Variants in ARHGAP28 observed in about 807,000 individuals in gnomAD.
ARHGAP28 encodes Rho GTPase activating protein 28, also known as rho GTPase-activating protein 28.
A neutral mutation model predicts 90.7 loss-of-function variants in ARHGAP28; 56 were observed. The ratio of observed to expected loss-of-function variants is 0.62; its 90% confidence interval spans 0.50 to 0.77. ARHGAP28 has a LOEUF of 0.77. ARHGAP28 is among the 30% of genes least tolerant of loss of function. The pLI is 0.00. For synonymous variants in ARHGAP28, 308 were observed against 323.3 expected (o/e 0.95, Z 0.51); for missense variants, 869 against 900.9 (o/e 0.96, Z 0.45).
chr18:6,749,907 C>T (rs1422246481), intron 1 of ARHGAP28, among the ~76,000 whole-genome samples: 1 of 151,870 alleles, frequency 6.6e-6, no homozygotes. Flanking sequence ...AAAAATATAC[C>T]CTCAGTGTAC....
intron 14 of ARHGAP28, among the ~76,000 whole-genome samples, chr18:6,893,681 C>T (rs1488836342): frequency 6.6e-6 from 1 of 151,948 alleles, no homozygotes; most frequent in East Asian, 1.9e-4. Context: ...ATAGAGCTGT[C>T]ATTAGGATGG....
chr18:6,753,787 C>T (rs1206494087), intron 1 of ARHGAP28, among the ~76,000 whole-genome samples: 1 of 152,176 alleles, frequency 6.6e-6, no homozygotes. Context: ...TCTTCAAACA[C>T]TTTACCCCTC....
At chr18:6,855,747 C>G (rs72883089) in intron 4 of ARHGAP28, among the ~76,000 whole-genome samples, 2,943 of 152,342 alleles carry the variant, frequency 0.019, 39 homozygotes, top group African/African-American at 0.038. Context: ...CTTTGGAGCT[C>G]TGCAGTTCCG....
intron 10 of ARHGAP28, among the ~76,000 whole-genome samples, chr18:6,877,457 G>A (rs2057140498): frequency 6.6e-6 from 1 of 152,216 alleles, no homozygotes; most frequent in Non-Finnish European, 1.5e-5. Flanking sequence ...GTGGGCTGGG[G>A]CTTCCTGCAG....
intron 17 of ARHGAP28, among the ~76,000 whole-genome samples, chr18:6,910,988 G>T (rs1373429995): frequency 3.3e-5 from 5 of 151,900 alleles, no homozygotes; most frequent in Non-Finnish European, 7.4e-5. Context: ...GGGATTACAG[G>T]CGCCCATCAC....
At chr18:6,835,695 T>C (rs990454210) in intron 2 of ARHGAP28, among the ~76,000 whole-genome samples, 5 of 152,216 alleles carry the variant, frequency 3.3e-5, no homozygotes, top group African/African-American at 1.2e-4. Context: ...GACACTGTTA[T>C]TCTGATTTCC....
intron 1 of ARHGAP28, among the ~76,000 whole-genome samples, chr18:6,792,397 A>C (rs115276871): frequency 0.022 from 3,369 of 152,334 alleles, 128 homozygotes; most frequent in African/African-American, 0.077. Flanking sequence ...AAACTGCATT[A>C]ACCTCTGATA....
At chr18:6,802,719 A>G (rs942880392) in intron 1 of ARHGAP28, among the ~76,000 whole-genome samples, 2 of 152,152 alleles carry the variant, frequency 1.3e-5, no homozygotes, top group Admixed American at 1.3e-4. Flanking sequence ...TTTACATAAC[A>G]TCTTAAAATA....
chr18:6,902,960 A>T (rs1394855061), intron 16 of ARHGAP28, among the ~76,000 whole-genome samples: 2 of 152,226 alleles, frequency 1.3e-5, no homozygotes, highest in East Asian at 1.9e-4. Flanking sequence ...GTATATACAT[A>T]TAATGAAATA....
At chr18:6,832,253 A>G (rs1002288150) in intron 2 of ARHGAP28, among the ~76,000 whole-genome samples, 2 of 151,958 alleles carry the variant, frequency 1.3e-5, no homozygotes, top group African/African-American at 4.8e-5. Flanking sequence ...TTGATTTCTA[A>G]GTAAATTGTG....
chr18:6,797,964 C>T (rs2056454091), intron 1 of ARHGAP28, among the ~76,000 whole-genome samples: 1 of 151,992 alleles, frequency 6.6e-6, no homozygotes, highest in East Asian at 1.9e-4. Flanking sequence ...CCAGCCGAAA[C>T]ACAATTTTTT....
At chr18:6,737,575 T>G (rs952485303) in intron 1 of ARHGAP28, among the ~76,000 whole-genome samples, 1 of 152,168 alleles carries the variant, frequency 6.6e-6, no homozygotes, top group African/African-American at 2.4e-5. Context: ...TGTTGAAGAA[T>G]TTGATAGCAT....
At chr18:6,826,706 T>TA (rs1555629774) in intron 2 of ARHGAP28, among the ~76,000 whole-genome samples, 48 of 146,420 alleles carry the variant, frequency 3.3e-4, no homozygotes, top group Non-Finnish European at 4.4e-4. Flanking sequence ...TTTTTTTTTT[T>TA]ATTGATCATT....
intron 1 of ARHGAP28, among the ~76,000 whole-genome samples, chr18:6,770,469 T>C (rs896651630): frequency 6.6e-6 from 1 of 152,178 alleles, no homozygotes; most frequent in Non-Finnish European, 1.5e-5. Flanking sequence ...AAAGTGTTGT[T>C]ACGTTAGATG....
chr18:6,786,576 G>A (rs764489252), intron 1 of ARHGAP28, among the ~76,000 whole-genome samples: 9 of 152,180 alleles, frequency 5.9e-5, no homozygotes, highest in South Asian at 4.1e-4. Flanking sequence ...TTTGGGGTGC[G>A]CTGACCACTT....
intron 16 of ARHGAP28, among the ~76,000 whole-genome samples, chr18:6,908,439 G>A (rs1057357293): frequency 5.3e-5 from 8 of 152,076 alleles, no homozygotes; most frequent in African/African-American, 1.4e-4. Flanking sequence ...GTGTCCGGCC[G>A]TGACTTGCTT....
intron 1 of ARHGAP28, among the ~76,000 whole-genome samples, chr18:6,803,924 G>A (rs1471118738): frequency 3.3e-5 from 5 of 151,798 alleles, no homozygotes; most frequent in Non-Finnish European, 5.9e-5. Flanking sequence ...GACTACAGGC[G>A]CCTCCCACCA....
At chr18:6,807,752 G>A (rs1161720327) in intron 1 of ARHGAP28, among the ~76,000 whole-genome samples, 1 of 152,146 alleles carries the variant, frequency 6.6e-6, no homozygotes, top group Admixed American at 6.6e-5. Flanking sequence ...GCTTGACGGG[G>A]CTCCTCTGAG....
At chr18:6,818,482 T>C (rs1600213304) in intron 1 of ARHGAP28, among the ~76,000 whole-genome samples, 1 of 152,202 alleles carries the variant, frequency 6.6e-6, no homozygotes, top group East Asian at 1.9e-4. Flanking sequence ...AAGACAAACA[T>C]GGTTCCTCTA....
Sources: gnomAD v4.1 joint callset for allele counts (sites outside exome capture counted in the v4.1 genomes callset) on GRCh38, gnomAD v4.1.1 for gene constraint, MANE v1.5 for transcripts, NCBI Gene and HGNC (gene_info 2026-07-23, HGNC 2026-07-21) for gene names.